Variants in TEX14 observed in about 807,000 individuals in gnomAD.
TEX14 encodes the protein testis expressed 14, intercellular bridge forming factor.
A neutral mutation model predicts 178.6 loss-of-function variants in TEX14; 168 were observed. That is an observed-to-expected ratio of 0.94 (90% CI 0.83 to 1.07). The LOEUF (loss-of-function observed/expected upper bound fraction) is 1.07. TEX14 is among the 50% of genes least tolerant of loss of function. The pLI, the probability that TEX14 is intolerant of heterozygous loss-of-function variation, is 0.00. For synonymous variants in TEX14, 626 were observed against 634.1 expected (o/e 0.99, Z 0.19); for missense variants, 1,730 against 1,753.6 (o/e 0.99, Z 0.24).
At chr17:58,636,326 G>A (rs1034416384) in intron 2 of TEX14, among the ~76,000 whole-genome samples, 8 of 152,162 alleles carry the variant, frequency 5.3e-5, no homozygotes, top group African/African-American at 7.2e-5. Flanking sequence ...AAGACTGGCC[G>A]AAAAGGTTAA....
intron 3 of TEX14, among the ~76,000 whole-genome samples, chr17:58,626,569 C>CAAAAAAAAAAA (rs11327030): frequency 3.0e-5 from 1 of 33,666 alleles, no homozygotes; most frequent in African/African-American, 1.4e-4. Context: ...GACTCCATCT[C>CAAAAAAAAAAA]AAAAAAAAAA....
chr17:58,564,212 A>T (rs1172520146), intron 28 of TEX14: 1 of 152,196 alleles, frequency 6.6e-6, no homozygotes. Flanking sequence ...TGAAAGCAGG[A>T]TCTCAAAGAG....
intron 1 of TEX14, chr17:58,659,203 T>C (rs560554818): frequency 3.4e-5 from 9 of 265,038 alleles, no homozygotes; most frequent in South Asian, 1.4e-4. Context: ...AGCCGAGTTT[T>C]CTCATTCGGG....
chr17:58,597,656 T>A (rs2045321971), intron 14 of TEX14, among the ~76,000 whole-genome samples: 2 of 152,194 alleles, frequency 1.3e-5, no homozygotes, highest in African/African-American at 4.8e-5. Context: ...ACAGGGCTAA[T>A]CCATGTCTAA....
At chr17:58,619,137 G>A (rs1162072486) in intron 5 of TEX14, among the ~76,000 whole-genome samples, 1 of 152,216 alleles carries the variant, frequency 6.6e-6, no homozygotes, top group African/African-American at 2.4e-5. Flanking sequence ...GGAACTGGGG[G>A]TTACCAGTGA....
chr17:58,679,319 C>T (rs2047449265), intron 1 of TEX14, among the ~76,000 whole-genome samples: 2 of 152,126 alleles, frequency 1.3e-5, no homozygotes, highest in Non-Finnish European at 1.5e-5. Flanking sequence ...TATTCAACTG[C>T]GTACTTCTGA....
At chr17:58,585,196 C>A (rs944359161) in intron 18 of TEX14, among the ~76,000 whole-genome samples, 5 of 152,114 alleles carry the variant, frequency 3.3e-5, no homozygotes, top group Admixed American at 2.6e-4. Context: ...AAAGAAGGAT[C>A]GATTCCTCGC....
At chr17:58,681,678 T>C (rs1431895589) in intron 1 of TEX14, among the ~76,000 whole-genome samples, 1 of 151,882 alleles carries the variant, frequency 6.6e-6, no homozygotes, top group Non-Finnish European at 1.5e-5. Context: ...GGTGAAACCT[T>C]GTCTCTACTA....
chr17:58,659,986 C>T (rs1272696300), intron 1 of TEX14, among the ~76,000 whole-genome samples: 2 of 151,522 alleles, frequency 1.3e-5, no homozygotes, highest in Admixed American at 1.3e-4. Context: ...CATAAGCCAC[C>T]GCGCCTGGCC....
At chr17:58,659,318 A>G (rs1204681151) in intron 1 of TEX14, 11 of 981,378 alleles carry the variant, frequency 1.1e-5, no homozygotes, top group South Asian at 9.4e-5. Flanking sequence ...TTTACTTAAT[A>G]TTGCTAATAC....
chr17:58,579,385 A>G (rs1490815926), intron 20 of TEX14, among the ~76,000 whole-genome samples: 1 of 152,248 alleles, frequency 6.6e-6, no homozygotes, highest in African/African-American at 2.4e-5. Flanking sequence ...TGAAAGCTTG[A>G]GAGACCAAAG....
intron 1 of TEX14, among the ~76,000 whole-genome samples, chr17:58,687,579 C>T (rs1714581891): frequency 6.6e-6 from 1 of 151,992 alleles, no homozygotes; most frequent in African/African-American, 2.4e-5. Context: ...GTGATCCACC[C>T]ACCTAAGCCT....
intron 2 of TEX14, among the ~76,000 whole-genome samples, chr17:58,630,875 T>C (rs910887573): frequency 1.3e-5 from 2 of 152,112 alleles, no homozygotes; most frequent in African/African-American, 4.8e-5. Context: ...ACTCTGTGTG[T>C]TGGGAGGAAG....
chr17:58,630,623 G>T, intron 2 of TEX14, 69 bp from the exon 3 acceptor site: 1 of 1,041,660 alleles, frequency 9.6e-7, no homozygotes, highest in East Asian at 2.5e-5. Context: ...GGTAGGGGGT[G>T]GGGGAATTAC....
chr17:58,682,296 C>T (rs1431652570), intron 1 of TEX14, among the ~76,000 whole-genome samples: 2 of 147,192 alleles, frequency 1.4e-5, no homozygotes, highest in Admixed American at 6.8e-5. Flanking sequence ...CTTACTCTGT[C>T]GTCCAGGCTA....
chr17:58,615,420 A>C, intron 7 of TEX14, 75 bp from the exon 8 acceptor site: 1 of 914,608 alleles, frequency 1.1e-6, no homozygotes, highest in Non-Finnish European at 1.8e-6. Context: ...AGCTTTCCTA[A>C]GCAAGGACCA....
intron 8 of TEX14, 113 bp downstream of exon 8, chr17:58,615,119 G>A (rs2045841535): frequency 1.6e-6 from 1 of 639,104 alleles, no homozygotes; most frequent in Non-Finnish European, 2.8e-6. Context: ...GTCAGGAAAT[G>A]CTGAGACTGA....
chr17:58,610,114 C>T (rs1451983186), intron 10 of TEX14, among the ~76,000 whole-genome samples: 1 of 152,212 alleles, frequency 6.6e-6, no homozygotes, highest in African/African-American at 2.4e-5. Flanking sequence ...CTCAGGAAGA[C>T]TTTGACTCTT....
At chr17:58,557,414 G>A (rs1027137109) in intron 31 of TEX14, among the ~76,000 whole-genome samples, 3 of 152,020 alleles carry the variant, frequency 2.0e-5, no homozygotes, top group African/African-American at 7.2e-5. Flanking sequence ...GGGATTACAG[G>A]TGCCTGCCAC....
Sources: gnomAD v4.1 joint callset for allele counts (sites outside exome capture counted in the v4.1 genomes callset) on GRCh38, gnomAD v4.1.1 for gene constraint, MANE v1.5 for transcripts, NCBI Gene and HGNC (gene_info 2026-07-23, HGNC 2026-07-21) for gene names.